Variants in ELMO1 observed in about 807,000 individuals in gnomAD.
ELMO1 encodes the protein engulfment and cell motility 1.
In ELMO1, 26 loss-of-function variants were observed where a neutral mutation model predicts 98.9. The ratio of observed to expected loss-of-function variants is 0.26; its 90% CI spans 0.19 to 0.36. The LOEUF is 0.36. Among genes scored for constraint, ELMO1 ranks in the 10% least tolerant of loss-of-function variants. ELMO1 has a pLI of 1.00. For synonymous variants in ELMO1, 346 were observed against 346.0 expected (o/e 1.00, Z 0.00); for missense variants, 627 against 935.2 (o/e 0.67, Z 4.30).
At chr7:36,914,456 G>T (rs1265484380) in intron 16 of ELMO1, among the ~76,000 whole-genome samples, 4 of 151,824 alleles carry the variant, frequency 2.6e-5, no homozygotes, top group Admixed American at 6.6e-5. Context: ...ACGTAAAATA[G>T]ATCATGCATA....
chr7:37,407,685 T>C lies in ELMO1; in HGVS notation c.-74+40990A>G, dbSNP rs866410303. ...ATATGCAGTGAGAGAGGGATGCATT[T>C]GTGGACTGCAGGGGATTTTTAGGAC... On this transcript the variant is annotated intron_variant, in intron 1 of 21. Transcript: ENST00000310758. Among the ~76,000 whole-genome samples the C allele has an allele frequency of 3.9e-5, 6 of 152,298 alleles. 1 individual carries two copies. In the South Asian group the frequency reaches 8.3e-4, roughly 21 times the overall value.
chr7:37,092,816 T>C (rs986480229), intron 15 of ELMO1, among the ~76,000 whole-genome samples: 12 of 152,052 alleles, frequency 7.9e-5, no homozygotes, highest in African/African-American at 2.9e-4. Flanking sequence ...TCTCAAGGCA[T>C]ACAGCCAGTG....
At chr7:37,199,713 G>A (rs1042776532) in intron 13 of ELMO1, among the ~76,000 whole-genome samples, 3 of 152,228 alleles carry the variant, frequency 2.0e-5, no homozygotes, top group Non-Finnish European at 4.4e-5. Context: ...CTGAGACAGT[G>A]ACAGAGAGCT....
intron 13 of ELMO1, among the ~76,000 whole-genome samples, chr7:37,185,764 T>C (rs1432671481): frequency 6.6e-6 from 1 of 152,154 alleles, no homozygotes; most frequent in Non-Finnish European, 1.5e-5. Flanking sequence ...AGTACAAAAT[T>C]TATATTCTGA....
chr7:37,131,282 T>G (rs1051655186), intron 14 of ELMO1, among the ~76,000 whole-genome samples: 1 of 152,084 alleles, frequency 6.6e-6, no homozygotes, highest in African/African-American at 2.4e-5. Flanking sequence ...GTCTAACCAA[T>G]AAAGAAAAGT....
intron 1 of ELMO1, among the ~76,000 whole-genome samples, chr7:37,363,298 A>C (rs980350411): frequency 6.6e-6 from 1 of 152,066 alleles, no homozygotes; most frequent in African/African-American, 2.4e-5. Flanking sequence ...CTCTTGCAAG[A>C]GCCCTTAGAT....
intron 12 of ELMO1, among the ~76,000 whole-genome samples, chr7:37,212,266 T>G (rs926624665): frequency 1.3e-5 from 2 of 152,266 alleles, no homozygotes; most frequent in East Asian, 1.9e-4. Flanking sequence ...GTACAGAGTT[T>G]CAGTTCTGCA....
intron 1 of ELMO1, among the ~76,000 whole-genome samples, chr7:37,386,464 C>G (rs1802806462): frequency 6.6e-6 from 1 of 152,026 alleles, no homozygotes; most frequent in Non-Finnish European, 1.5e-5. Flanking sequence ...CCCACAGACC[C>G]TCACGACAGC....
At chr7:36,866,142 G>C (rs1295122192) in intron 20 of ELMO1, among the ~76,000 whole-genome samples, 1 of 152,180 alleles carries the variant, frequency 6.6e-6, no homozygotes, top group Non-Finnish European at 1.5e-5. Flanking sequence ...AATTCAGTGA[G>C]ACAAGCACCA....
At chr7:36,891,826 C>T (rs759904239) in intron 17 of ELMO1, among the ~76,000 whole-genome samples, 4 of 152,140 alleles carry the variant, frequency 2.6e-5, no homozygotes, top group Non-Finnish European at 5.9e-5. Context: ...AAATTGGGTC[C>T]AAGTTTTACA....
intron 15 of ELMO1, among the ~76,000 whole-genome samples, chr7:37,046,562 A>G (rs1795807281): frequency 6.6e-6 from 1 of 152,190 alleles, no homozygotes; most frequent in African/African-American, 2.4e-5. Context: ...ATATTTTGCA[A>G]TCATTGGTGA....
At chr7:37,165,763 A>C (rs1293729431) in intron 13 of ELMO1, among the ~76,000 whole-genome samples, 1 of 152,300 alleles carries the variant, frequency 6.6e-6, no homozygotes, top group Admixed American at 6.5e-5. Flanking sequence ...GGATTTTTGC[A>C]TCAATGTTCA....
intron 19 of ELMO1, among the ~76,000 whole-genome samples, chr7:36,874,476 T>C (rs1803780720): frequency 6.6e-6 from 1 of 152,258 alleles, no homozygotes; most frequent in African/African-American, 2.4e-5. Flanking sequence ...GCCTAGCATA[T>C]AGTAAGCACT....
intron 16 of ELMO1, among the ~76,000 whole-genome samples, chr7:37,011,228 G>A (rs1416741681): frequency 6.6e-6 from 1 of 152,186 alleles, no homozygotes; most frequent in Non-Finnish European, 1.5e-5. Context: ...ACTCTGGGGG[G>A]CTTGCTGTCA....
intron 15 of ELMO1, among the ~76,000 whole-genome samples, chr7:37,085,239 C>T (rs916617754): frequency 5.9e-5 from 9 of 152,214 alleles, no homozygotes; most frequent in Non-Finnish European, 1.2e-4. Context: ...CTAACTACTG[C>T]AGACTCCCTG....
intron 1 of ELMO1, among the ~76,000 whole-genome samples, chr7:37,350,687 G>T (rs1583607955): frequency 6.6e-6 from 1 of 152,136 alleles, no homozygotes; most frequent in African/African-American, 2.4e-5. Flanking sequence ...CTCAAAATTT[G>T]TATGTTCAAA....
intron 8 of ELMO1, among the ~76,000 whole-genome samples, chr7:37,227,481 G>T (rs1039715082): frequency 2.6e-5 from 4 of 152,118 alleles, no homozygotes; most frequent in African/African-American, 9.7e-5. Context: ...CACCTCTCCA[G>T]TTCAAGCAAT....
At chr7:36,942,977 C>T (rs980567584) in intron 16 of ELMO1, among the ~76,000 whole-genome samples, 2 of 152,210 alleles carry the variant, frequency 1.3e-5, no homozygotes, top group African/African-American at 4.8e-5. Flanking sequence ...CAGCAAAAAT[C>T]ACCATGACCA....
intron 4 of ELMO1, among the ~76,000 whole-genome samples, chr7:37,305,035 C>A: frequency 6.6e-6 from 1 of 152,116 alleles, no homozygotes; most frequent in East Asian, 1.9e-4. Flanking sequence ...CCCATGTTTT[C>A]CTTCACAGAA....
Sources: gnomAD v4.1 joint callset for allele counts (sites outside exome capture counted in the v4.1 genomes callset) on GRCh38, gnomAD v4.1.1 for gene constraint, MANE v1.5 for transcripts, NCBI Gene and HGNC (gene_info 2026-07-23, HGNC 2026-07-21) for gene names.